Variants in BAALC observed in about 807,000 individuals in gnomAD.
The protein encoded by BAALC is brain and acute leukemia cytoplasmic protein.
BAALC carries 9 observed loss-of-function variants against 15.5 expected under a neutral mutation model. That is an observed-to-expected ratio of 0.58 (90% CI 0.35 to 1.02). BAALC has a LOEUF of 1.02. Among genes scored for constraint, BAALC ranks in the 50% least tolerant of loss-of-function variants. The pLI is 0.02. For synonymous variants in BAALC, 80 were observed against 74.6 expected (o/e 1.07, Z -0.37); for missense variants, 201 against 192.4 (o/e 1.04, Z -0.27).
intron 2 of BAALC, among the ~76,000 whole-genome samples, chr8:103,217,468 T>G (rs1332689621): frequency 2.0e-5 from 3 of 151,676 alleles, no homozygotes; most frequent in African/African-American, 7.3e-5. Flanking sequence ...TATACTGTTT[T>G]TTTCCTAGTG....
chr8:103,218,385 T>C (rs991277996), intron 2 of BAALC, among the ~76,000 whole-genome samples: 1 of 152,140 alleles, frequency 6.6e-6, no homozygotes, highest in East Asian at 1.9e-4. Flanking sequence ...TGATAAATCA[T>C]TGGCTTGGTC....
intron 2 of BAALC, among the ~76,000 whole-genome samples, chr8:103,221,136 T>C (rs915031572): frequency 6.6e-6 from 1 of 152,170 alleles, no homozygotes; most frequent in Non-Finnish European, 1.5e-5. Context: ...GATAAACAAG[T>C]CCATCTGGGT....
At chr8:103,166,176 AAT>A (rs1182360752) in intron 1 of BAALC, 2 of 152,618 alleles carry the variant, frequency 1.3e-5, no homozygotes, top group African/African-American at 4.8e-5. Context: ...AGGGATTCAG[AAT>A]TTAATTTTCT....
chr8:103,157,596 CTA>C (rs903331648), intron 1 of BAALC, among the ~76,000 whole-genome samples: 11 of 152,046 alleles, frequency 7.2e-5, no homozygotes, highest in Admixed American at 1.3e-4. Context: ...TCACCTGAGC[CTA>C]TGAGTATGAG....
intron 1 of BAALC, among the ~76,000 whole-genome samples, chr8:103,159,660 T>G (rs1811178340): frequency 6.6e-6 from 1 of 152,330 alleles, no homozygotes; most frequent in East Asian, 1.9e-4. Context: ...GGATCCCCCG[T>G]TTGACTCTTG....
intron 1 of BAALC, among the ~76,000 whole-genome samples, chr8:103,160,404 T>C (rs1811198267): frequency 6.6e-6 from 1 of 152,186 alleles, no homozygotes; most frequent in South Asian, 2.1e-4. Context: ...TGTTTCCTGT[T>C]ATAGCTGAAG....
chr8:103,219,772 A>T (rs541028283), intron 2 of BAALC, among the ~76,000 whole-genome samples: 39 of 152,206 alleles, frequency 2.6e-4, no homozygotes, highest in Non-Finnish European at 4.7e-4. Flanking sequence ...AAATACATTC[A>T]CAGAATTTGA....
rs548317592 is a variant in BAALC, at chr8:103,204,309, G to A, written c.161-8610G>A. ...TATTATTGAGTTGTAGGAGTTCTTT[G>A]AAAGTTAGTTCCTTACCAAATATAT... On this transcript the variant is annotated intron_variant, in intron 1 of 2. Coordinates refer to ENST00000309982, the MANE Select transcript of BAALC (RefSeq NM_024812.3). Among the ~76,000 whole-genome samples, 4 of 152,234 alleles carry A rather than the reference G, an allele frequency of 2.6e-5. No homozygotes were observed. In the East Asian group the frequency reaches 7.7e-4, roughly 29 times the overall value.
chr8:103,218,435 C>T (rs779052279), intron 2 of BAALC, among the ~76,000 whole-genome samples: 4 of 152,070 alleles, frequency 2.6e-5, no homozygotes, highest in East Asian at 3.9e-4. Context: ...ACAAACAACA[C>T]GAGAGGCAGC....
At chr8:103,147,426 TC>T (rs1810899528) in intron 1 of BAALC, among the ~76,000 whole-genome samples, 1 of 152,184 alleles carries the variant, frequency 6.6e-6, no homozygotes, top group South Asian at 2.1e-4. Context: ...TGTATGTAAC[TC>T]AAAGGATAAA....
At chr8:103,221,589 G>A (rs768213080) in intron 2 of BAALC, among the ~76,000 whole-genome samples, 1 of 152,080 alleles carries the variant, frequency 6.6e-6, no homozygotes, top group African/African-American at 2.4e-5. Context: ...GGGAAAATAC[G>A]TTGTATAAAG....
At chr8:103,205,640 A>G (rs1812311367) in intron 1 of BAALC, among the ~76,000 whole-genome samples, 1 of 152,192 alleles carries the variant, frequency 6.6e-6, no homozygotes, top group South Asian at 2.1e-4. Context: ...GATACAGGGA[A>G]CTTGTTAAGA....
intron 1 of BAALC, among the ~76,000 whole-genome samples, chr8:103,175,179 G>A (rs1473757110): frequency 6.6e-6 from 1 of 152,096 alleles, no homozygotes; most frequent in African/African-American, 2.4e-5. Flanking sequence ...CTTTCTCAGG[G>A]CTAAGCACCA....
chr8:103,216,866 A>G (rs992559996), intron 2 of BAALC, among the ~76,000 whole-genome samples: 2 of 152,230 alleles, frequency 1.3e-5, no homozygotes, highest in Non-Finnish European at 2.9e-5. Flanking sequence ...CACTAACTCT[A>G]TAATGTTGAC....
intron 1 of BAALC, among the ~76,000 whole-genome samples, chr8:103,145,414 C>T (rs1432211706): frequency 6.6e-6 from 1 of 152,058 alleles, no homozygotes; most frequent in Non-Finnish European, 1.5e-5. Flanking sequence ...TCACTTCTCA[C>T]ACCTCAGGTA....
At chr8:103,188,477 G>A (rs918515353) in intron 1 of BAALC, among the ~76,000 whole-genome samples, 2 of 152,164 alleles carry the variant, frequency 1.3e-5, no homozygotes, top group African/African-American at 4.8e-5. Flanking sequence ...TAGAAGTTCA[G>A]GCTCTGTATA....
intron 1 of BAALC, among the ~76,000 whole-genome samples, chr8:103,210,278 C>T (rs1812423061): frequency 6.6e-6 from 1 of 152,252 alleles, no homozygotes; most frequent in African/African-American, 2.4e-5. Context: ...CATCACAGCA[C>T]CCCAATGTGC....
At chr8:103,217,596 C>T (rs17799604) in intron 2 of BAALC, among the ~76,000 whole-genome samples, 25,284 of 151,962 alleles carry the variant, frequency 0.17, 2,314 homozygotes, top group East Asian at 0.3. Context: ...CATTTCACCA[C>T]GCTCCCCTTA....
intron 1 of BAALC, among the ~76,000 whole-genome samples, chr8:103,210,656 T>A (rs1812429892): frequency 6.6e-6 from 1 of 152,256 alleles, no homozygotes; most frequent in Admixed American, 6.5e-5. Context: ...CAAATGACTT[T>A]ACAATTAAAA....
Sources: allele counts gnomAD v4.1 joint callset (sites outside exome capture counted in the v4.1 genomes callset), GRCh38; gene constraint gnomAD v4.1.1; transcripts MANE v1.5; gene names NCBI Gene and HGNC (gene_info 2026-07-23, HGNC 2026-07-21).